MOBP: variants seen among roughly 807,000 people sequenced by gnomAD.
MOBP encodes the protein myelin associated oligodendrocyte basic protein, also known as myelin-associated oligodendrocyte basic protein.
In MOBP, 5 loss-of-function variants were observed where a neutral mutation model predicts 15.0. That is an observed-to-expected ratio of 0.33 (90% CI 0.17 to 0.70). The LOEUF (loss-of-function observed/expected upper bound fraction) is 0.70. MOBP is among the 30% of genes least tolerant of loss of function. The pLI is 0.67. For synonymous variants in MOBP, 88 were observed against 99.0 expected (o/e 0.89, Z 0.66); for missense variants, 188 against 257.8 (o/e 0.73, Z 1.85).
At chr3:39,493,511 C>G (rs1324247717) in intron 2 of MOBP, among the ~76,000 whole-genome samples, 1 of 151,990 alleles carries the variant, frequency 6.6e-6, no homozygotes, top group African/African-American at 2.4e-5. Context: ...TAGAGAGCAT[C>G]TGGGGACAGG....
intron 1 of MOBP, among the ~76,000 whole-genome samples, chr3:39,469,867 A>G (rs77099277): frequency 0.012 from 1,800 of 152,330 alleles, 32 homozygotes; most frequent in African/African-American, 0.041. Flanking sequence ...GCTTTTACAG[A>G]TAATTTCCAA....
At chr3:39,474,021 G>A (rs147381983) in intron 1 of MOBP, among the ~76,000 whole-genome samples, 8 of 152,230 alleles carry the variant, frequency 5.3e-5, no homozygotes, top group Non-Finnish European at 1.0e-4. Context: ...GAACCATAGC[G>A]CATTGAGACA....
downstream of MOBP, among the ~76,000 whole-genome samples, chr3:39,503,889 GT>G (rs2043013530): frequency 6.6e-6 from 1 of 152,130 alleles, no homozygotes; most frequent in South Asian, 2.1e-4. Flanking sequence ...GGGGAAGAAT[GT>G]TAAAGATGCC....
intron 2 of MOBP, 73 bp from the exon 3 acceptor site, chr3:39,501,993 T>G (rs1301252920): frequency 3.1e-6 from 4 of 1,301,968 alleles, no homozygotes; most frequent in Admixed American, 3.6e-5. Context: ...GCAGGGGGCT[T>G]CCAGAGTAGA....
At chr3:39,488,383 C>T (rs984442739) in intron 2 of MOBP, among the ~76,000 whole-genome samples, 1 of 152,166 alleles carries the variant, frequency 6.6e-6, no homozygotes, top group East Asian at 1.9e-4. Flanking sequence ...ACCATTCCCC[C>T]ACCTTAGAAA....
In MOBP at chr3:39,502,801, A is replaced by C; in HGVS notation, c.473A>C (p.Gln158Pro). The C allele has an allele frequency of 6.5e-7, 1 of 1,534,514 alleles. No homozygotes were observed. The highest frequency in any genetic ancestry group is 8.7e-7 in the Non-Finnish European group (1 of 1,145,886). ...AKQRPPQKSK[Q>P]QPRSSPLRGP... The stretch of plus-strand genomic sequence containing the variant: ...CAGCGTCCCCCTCAGAAGTCCAAGC[A>C]ACAGCCGCGCAGCAGCCCCCTCAGA... The change falls in exon 4 of 4, where the codon CAA becomes CCA. Residue 158 changes from glutamine (Q) to proline (P), a missense_variant. Gln to Pro is a moderately conservative substitution (Grantham distance 76). Around this residue, in one of 2 missense-constraint regions of MOBP, gnomAD observed 55 missense variants for 45.2 expected, o/e 1.22. Coordinates refer to ENST00000684792, the MANE Select transcript of MOBP (RefSeq NM_001393704.1). The surrounding 1 kb of genome is among the most constrained non-coding windows in gnomAD (Gnocchi z 6.3).
At chr3:39,471,232 C>T (rs1403415259) in intron 1 of MOBP, among the ~76,000 whole-genome samples, 3 of 151,194 alleles carry the variant, frequency 2.0e-5, no homozygotes, top group African/African-American at 7.3e-5. Context: ...CAGGTTCAAG[C>T]GATTCTCCTG....
chr3:39,528,546 T>C (rs2043358453), downstream of MOBP: 1 of 152,262 alleles, frequency 6.6e-6, no homozygotes, highest in African/African-American at 2.4e-5. Context: ...CATTGTTTAC[T>C]GAAAAGGCTG....
intron 3 of MOBP, among the ~76,000 whole-genome samples, chr3:39,522,104 A>G (rs2043276037): frequency 6.6e-6 from 1 of 152,198 alleles, no homozygotes; most frequent in Admixed American, 6.5e-5. Flanking sequence ...GGTTCAGAGA[A>G]AGCAACCTGG....
chr3:39,470,268 T>C (rs116609206), intron 1 of MOBP, among the ~76,000 whole-genome samples: 4 of 152,336 alleles, frequency 2.6e-5, no homozygotes, highest in East Asian at 1.9e-4. Flanking sequence ...CACACCCATA[T>C]TGAGGGACAA....
At chr3:39,524,546 C>T (rs888813565) in exon 5 of MOBP, 6 of 151,604 alleles carry the variant, frequency 4.0e-5, no homozygotes, top group Non-Finnish European at 7.4e-5. Flanking sequence ...TAAAAAAAAT[C>T]AAGTATTGGC....
chr3:39,486,533 C>T (rs957287123), intron 2 of MOBP, among the ~76,000 whole-genome samples: 2 of 152,108 alleles, frequency 1.3e-5, no homozygotes, highest in African/African-American at 4.8e-5. Flanking sequence ...GAAGTTCATA[C>T]TATACTTCCA....
At chr3:39,475,277 GATCTGTCTT>G (rs1357384977) in intron 1 of MOBP, among the ~76,000 whole-genome samples, 3 of 152,152 alleles carry the variant, frequency 2.0e-5, no homozygotes, top group African/African-American at 7.2e-5. Flanking sequence ...AAACGAGGAT[GATCTGTCTT>G]ATTACTGGTG....
downstream of MOBP, among the ~76,000 whole-genome samples, chr3:39,504,613 T>G (rs949568758): frequency 6.6e-6 from 1 of 152,256 alleles, no homozygotes; most frequent in East Asian, 1.9e-4. Context: ...TCATTCGTAA[T>G]GTCCCCTGAC....
chr3:39,500,626 G>C (rs532102439), intron 2 of MOBP, among the ~76,000 whole-genome samples: 2 of 152,304 alleles, frequency 1.3e-5, no homozygotes, highest in Admixed American at 6.5e-5. Context: ...AGGAGCCACA[G>C]TGGGGTGCAC....
downstream of MOBP, among the ~76,000 whole-genome samples, chr3:39,520,154 T>C (rs1042410293): frequency 1.3e-5 from 2 of 152,160 alleles, no homozygotes; most frequent in Non-Finnish European, 2.9e-5. Flanking sequence ...CTCTGACTTA[T>C]GCAGTTTCCC....
intron 1 of MOBP, among the ~76,000 whole-genome samples, chr3:39,468,736 GTGTGTGTATATATACATATA>G (rs2042383310): frequency 8.6e-6 from 1 of 116,208 alleles, no homozygotes; most frequent in Non-Finnish European, 1.7e-5. Context: ...ATATACATAT[GTGTGTGTATATATACATATA>G]TACATGTGTG....
chr3:39,512,178 A>G (rs1376698985), intron 4 of MOBP, among the ~76,000 whole-genome samples: 1 of 152,176 alleles, frequency 6.6e-6, no homozygotes, highest in African/African-American at 2.4e-5. Flanking sequence ...ATTACCATCA[A>G]TGTGGCTGCT....
chr3:39,478,790 T>G (rs534981663), intron 1 of MOBP, among the ~76,000 whole-genome samples: 1 of 152,250 alleles, frequency 6.6e-6, no homozygotes, highest in African/African-American at 2.4e-5. Flanking sequence ...AATTCAATAC[T>G]TGCTTCTATA....
Sources: gnomAD v4.1 joint callset for allele counts (sites outside exome capture counted in the v4.1 genomes callset) on GRCh38, gnomAD v4.1.1 for gene constraint, gnomAD v4.1.1 regional missense constraint, Gnocchi (gnomAD v3.1) non-coding constraint, MANE v1.5 for transcripts, NCBI Gene and HGNC (gene_info 2026-07-23, HGNC 2026-07-21) for gene names.